DNAH11: variants seen among roughly 807,000 people sequenced by gnomAD.
The protein encoded by DNAH11 is axonemal beta dynein heavy chain 11.
In DNAH11, 442 loss-of-function variants were observed where a neutral mutation model predicts 526.0. The observed-to-expected ratio is 0.84, with a 90% CI of 0.78 to 0.91. The LOEUF (loss-of-function observed/expected upper bound fraction) is 0.91. Among genes scored for constraint, DNAH11 ranks in the 40% least tolerant of loss-of-function variants. The pLI, the probability that DNAH11 is intolerant of heterozygous loss-of-function variation, is 0.00. For missense variants in DNAH11, 6,989 were observed against 5,448.7 expected (o/e 1.28, Z -8.90); for synonymous variants, 2,461 against 1,935.9 (o/e 1.27, Z -7.12).
intron 35 of DNAH11, among the ~76,000 whole-genome samples, chr7:21,693,281 A>G (rs537377195): frequency 2.0e-5 from 3 of 152,340 alleles, no homozygotes; most frequent in Admixed American, 2.0e-4. Context: ...TGATTTTCAA[A>G]TGCTAAACAG....
intron 79 of DNAH11, among the ~76,000 whole-genome samples, chr7:21,898,038 ACTT>A (rs761880207): frequency 7.9e-5 from 12 of 151,788 alleles, no homozygotes; most frequent in East Asian, 1.9e-4. Flanking sequence ...TTTATTTTCT[ACTT>A]CTTATTTGGG....
intron 44 of DNAH11, among the ~76,000 whole-genome samples, chr7:21,722,921 C>T (rs1784938083): frequency 6.6e-6 from 1 of 152,156 alleles, no homozygotes; most frequent in African/African-American, 2.4e-5. Context: ...CCCTCACCTC[C>T]CTCCCAGCTG....
chr7:21,885,057 T>C (rs183912725), intron 76 of DNAH11, among the ~76,000 whole-genome samples: 4 of 149,282 alleles, frequency 2.7e-5, no homozygotes, highest in African/African-American at 9.8e-5. Flanking sequence ...TATATAATTA[T>C]TATTTGTCAA....
Position 21,571,913 on chromosome 7 carries a change from T to C in DNAH11, c.1533T>C (p.Leu511=). ...AAGTCCACGAGATGAGTGAAGAACT[T>C]ATGGAACTCTGTAAACTTTTTAAAC... is the stretch of plus-strand genomic sequence containing the variant. ...NGQVHEMSEE[L]MELCKLFKQS... The change falls in exon 8 of 82, where the codon CTT becomes CTC. Residue 511 remains leucine (L), a synonymous_variant. Transcript: ENST00000409508. The C allele has an allele frequency of 1.2e-6, 2 of 1,611,998 alleles. No homozygotes were observed. The highest frequency in any genetic ancestry group is 8.5e-7 in the Non-Finnish European group (1 of 1,179,092).
chr7:21,548,665 C>A (rs1032592275), intron 2 of DNAH11, among the ~76,000 whole-genome samples: 1 of 152,148 alleles, frequency 6.6e-6, no homozygotes, highest in Non-Finnish European at 1.5e-5. Flanking sequence ...ACAATACCAC[C>A]AGACATTAGC....
chr7:21,551,875 T>C (rs1378900472), intron 2 of DNAH11, among the ~76,000 whole-genome samples: 2 of 152,086 alleles, frequency 1.3e-5, no homozygotes, highest in Non-Finnish European at 2.9e-5. Flanking sequence ...ATAATTTTTT[T>C]AACTACTATG....
intron 8 of DNAH11, among the ~76,000 whole-genome samples, chr7:21,576,675 T>C (rs1161443476): frequency 6.6e-6 from 1 of 152,224 alleles, no homozygotes; most frequent in Non-Finnish European, 1.5e-5. Context: ...GTCAATGCTG[T>C]ATTTCAGCTT....
intron 25 of DNAH11, among the ~76,000 whole-genome samples, chr7:21,625,994 G>A (rs1470082409): frequency 2.0e-5 from 3 of 152,082 alleles, no homozygotes; most frequent in Non-Finnish European, 4.4e-5. Flanking sequence ...TTTAATATAT[G>A]CATATAAAAT....
At chr7:21,885,033 G>A (rs1177230233) in intron 76 of DNAH11, among the ~76,000 whole-genome samples, 1 of 151,508 alleles carries the variant, frequency 6.6e-6, no homozygotes, top group Non-Finnish European at 1.5e-5. Flanking sequence ...ACATCACACT[G>A]TGCCCCATAA....
intron 28 of DNAH11, among the ~76,000 whole-genome samples, chr7:21,649,688 C>T (rs995802333): frequency 6.1e-5 from 9 of 147,686 alleles, no homozygotes; most frequent in African/African-American, 2.0e-4. Flanking sequence ...GATGGAGTCT[C>T]ACTCTGTCAC....
At chr7:21,631,141 A>C (rs938432925) in intron 25 of DNAH11, among the ~76,000 whole-genome samples, 2 of 152,170 alleles carry the variant, frequency 1.3e-5, no homozygotes, top group Non-Finnish European at 2.9e-5. Flanking sequence ...TTGTGCAGGC[A>C]ATCTCCCCTT....
At chr7:21,783,988 A>T (rs534898222) in intron 57 of DNAH11, among the ~76,000 whole-genome samples, 172 of 152,354 alleles carry the variant, frequency 1.1e-3, no homozygotes, top group African/African-American at 3.9e-3. Context: ...GGAATAGCCA[A>T]CATGGCTTCT....
chr7:21,740,517 G>A (rs987314537), intron 48 of DNAH11, among the ~76,000 whole-genome samples: 4 of 152,140 alleles, frequency 2.6e-5, no homozygotes, highest in African/African-American at 7.2e-5. Context: ...TTAGCATAAT[G>A]TCTAGGGTTC....
At chr7:21,600,971 T>G (rs778754013) in intron 16 of DNAH11, 39 bp from the exon 17 acceptor site, 1 of 1,611,170 alleles carries the variant, frequency 6.2e-7, no homozygotes, top group Non-Finnish European at 8.5e-7. Context: ...GAAATGGCTT[T>G]TCACTGAGTT....
intron 45 of DNAH11, among the ~76,000 whole-genome samples, chr7:21,727,790 A>G (rs1355631866): frequency 6.6e-6 from 1 of 152,252 alleles, no homozygotes; most frequent in Non-Finnish European, 1.5e-5. Flanking sequence ...ACAAAAGACC[A>G]AAGACCAGGT....
chr7:21,681,915 C>G, intron 31 of DNAH11, among the ~76,000 whole-genome samples: 1 of 152,010 alleles, frequency 6.6e-6, no homozygotes, highest in East Asian at 1.9e-4. Context: ...ATCAGATCAT[C>G]AAAAAAAATT....
At chr7:21,567,494 A>C (rs1314066045) in intron 6 of DNAH11, among the ~76,000 whole-genome samples, 1 of 152,188 alleles carries the variant, frequency 6.6e-6, no homozygotes, top group African/African-American at 2.4e-5. Flanking sequence ...CTTAAATTGG[A>C]TAGATCTCAT....
At chr7:21,697,010 G>A (rs1454811332) in intron 35 of DNAH11, among the ~76,000 whole-genome samples, 2 of 152,090 alleles carry the variant, frequency 1.3e-5, no homozygotes, top group African/African-American at 2.4e-5. Context: ...GAAAAAATAT[G>A]GGGTTAGTTT....
At chr7:21,895,029 C>A in intron 79 of DNAH11, 30 bp downstream of exon 79, 1 of 1,568,682 alleles carries the variant, frequency 6.4e-7, no homozygotes, top group Non-Finnish European at 8.8e-7. Flanking sequence ...CTGCCACTGG[C>A]CCTGAGCAGC....
Sources: allele counts gnomAD v4.1 joint callset (sites outside exome capture counted in the v4.1 genomes callset), GRCh38; gene constraint gnomAD v4.1.1; transcripts MANE v1.5; gene names NCBI Gene and HGNC (gene_info 2026-07-23, HGNC 2026-07-21).